Variants in SNTG2 observed in about 807,000 individuals in gnomAD.
The protein encoded by SNTG2 is syntrophin gamma 2.
SNTG2 carries 74 observed loss-of-function variants against 70.9 expected under a neutral mutation model. The observed-to-expected ratio is 1.04, with a 90% confidence interval of 0.86 to 1.27. SNTG2 has a LOEUF of 1.27. Ranked by LOEUF, SNTG2 falls within the 50% of genes most tolerant of loss-of-function variation. The pLI is 0.00. For missense variants in SNTG2, 717 were observed against 690.7 expected (o/e 1.04, Z -0.43); for synonymous variants, 278 against 273.8 (o/e 1.02, Z -0.15).
intron 12 of SNTG2, among the ~76,000 whole-genome samples, chr2:1,247,917 TC>T (rs1449405876): frequency 6.6e-6 from 1 of 152,180 alleles, no homozygotes; most frequent in Non-Finnish European, 1.5e-5. Flanking sequence ...CTGAATGCTA[TC>T]GTTCTGCAAT....
intron 1 of SNTG2, among the ~76,000 whole-genome samples, chr2:1,028,849 C>G (rs1291427865): frequency 6.6e-6 from 1 of 151,490 alleles, no homozygotes; most frequent in Non-Finnish European, 1.5e-5. Flanking sequence ...CATTTTTGTG[C>G]TATATTACAC....
chr2:1,025,319 A>G (rs1660417248), intron 1 of SNTG2, among the ~76,000 whole-genome samples: 1 of 152,126 alleles, frequency 6.6e-6, no homozygotes, highest in Non-Finnish European at 1.5e-5. Flanking sequence ...GGTGCATGGA[A>G]TCCAGGCAGG....
At chr2:1,071,261 A>G (rs959241797) in intron 1 of SNTG2, among the ~76,000 whole-genome samples, 3 of 151,438 alleles carry the variant, frequency 2.0e-5, no homozygotes, top group Admixed American at 2.0e-4. Flanking sequence ...CAAATGTCCA[A>G]CAATGATAGA....
chr2:1,361,370 G>C (rs1163401125), intron 16 of SNTG2, among the ~76,000 whole-genome samples: 1 of 150,750 alleles, frequency 6.6e-6, no homozygotes, highest in Non-Finnish European at 1.5e-5. Context: ...ACAGAATTTT[G>C]AAAACCACAG....
intron 4 of SNTG2, among the ~76,000 whole-genome samples, chr2:1,120,826 C>T (rs1050572599): frequency 6.6e-6 from 1 of 152,096 alleles, no homozygotes; most frequent in Non-Finnish European, 1.5e-5. Context: ...CAGCACCCCA[C>T]TTTCAACAAT....
chr2:957,888 T>G (rs1382754219), intron 1 of SNTG2, among the ~76,000 whole-genome samples: 1 of 152,144 alleles, frequency 6.6e-6, no homozygotes, highest in East Asian at 1.9e-4. Flanking sequence ...TTTAAGCCAC[T>G]AAGTTTGAGG....
intron 4 of SNTG2, among the ~76,000 whole-genome samples, chr2:1,132,841 C>G (rs1668117194): frequency 6.6e-6 from 1 of 152,232 alleles, no homozygotes; most frequent in Admixed American, 6.5e-5. Context: ...GGGCCCCATG[C>G]CCTGCACCTG....
intron 1 of SNTG2, among the ~76,000 whole-genome samples, chr2:964,025 C>T (rs1391078212): frequency 1.3e-5 from 2 of 152,146 alleles, no homozygotes; most frequent in Non-Finnish European, 2.9e-5. Context: ...CAGCGATCCA[C>T]GCAGTCACAG....
chr2:1,100,365 G>A (rs1452257445), intron 4 of SNTG2, among the ~76,000 whole-genome samples: 8 of 152,044 alleles, frequency 5.3e-5, no homozygotes, highest in Non-Finnish European at 8.8e-5. Flanking sequence ...CGGGGGTCTC[G>A]AACTCCTGAC....
At chr2:1,077,971 G>A (rs1476443302) in intron 1 of SNTG2, among the ~76,000 whole-genome samples, 1 of 152,118 alleles carries the variant, frequency 6.6e-6, no homozygotes, top group Admixed American at 6.5e-5. Context: ...GGCTGCTGTG[G>A]CATCGTGGTG....
chr2:1,232,374 A>C (rs147115297), intron 9 of SNTG2, among the ~76,000 whole-genome samples: 4 of 151,830 alleles, frequency 2.6e-5, no homozygotes, highest in African/African-American at 9.7e-5. Context: ...ATCTCGGCTC[A>C]CTGCAACCTC....
At chr2:982,044 G>A (rs1558292430) in intron 1 of SNTG2, among the ~76,000 whole-genome samples, 1 of 152,114 alleles carries the variant, frequency 6.6e-6, no homozygotes, top group Non-Finnish European at 1.5e-5. Flanking sequence ...AAGCACTTGT[G>A]CACACACATG....
chr2:1,129,557 G>A (rs1667897480), intron 4 of SNTG2, among the ~76,000 whole-genome samples: 1 of 152,270 alleles, frequency 6.6e-6, no homozygotes, highest in South Asian at 2.1e-4. Context: ...CAAATAAGAA[G>A]GTCAAGTTTG....
intron 1 of SNTG2, among the ~76,000 whole-genome samples, chr2:993,463 A>G (rs945377533): frequency 1.3e-5 from 2 of 152,156 alleles, no homozygotes; most frequent in Admixed American, 6.5e-5. Context: ...ATGATGCTGT[A>G]AATATTTATG....
rs568685739 is a variant in SNTG2, at chr2:1,086,005, AG to A, written c.210+2352del. Among the ~76,000 whole-genome samples, 41 of 152,334 alleles carry A rather than the reference AG, an allele frequency of 2.7e-4. 2 individuals carry two copies. In the South Asian group the frequency reaches 8.5e-3, roughly 32 times the overall value. ...ATTTCACATCTTCATTTTACTATTT[AG>A]GAAATTAAGATTCAGGAAGAAGAAG... On this transcript the variant is annotated intron_variant, in intron 2 of 16. Coordinates refer to ENST00000308624, the MANE Select transcript of SNTG2 (RefSeq NM_018968.4).
At chr2:1,310,997 T>G (rs1366638795) in intron 15 of SNTG2, among the ~76,000 whole-genome samples, 1 of 152,220 alleles carries the variant, frequency 6.6e-6, no homozygotes, top group Non-Finnish European at 1.5e-5. Flanking sequence ...CTCCTTTTGC[T>G]TGACAGCGTG....
chr2:1,351,613 A>G (rs1660585135), intron 16 of SNTG2, among the ~76,000 whole-genome samples: 2 of 149,240 alleles, frequency 1.3e-5, no homozygotes. Context: ...ATGTGAACGG[A>G]GTCCTCTGTT....
At chr2:974,533 C>T (rs1660849401) in intron 1 of SNTG2, among the ~76,000 whole-genome samples, 1 of 152,186 alleles carries the variant, frequency 6.6e-6, no homozygotes, top group Admixed American at 6.5e-5. Context: ...CCTTGGGTGT[C>T]CTCCCTGCCT....
chr2:1,309,786 G>T (rs13430602), intron 15 of SNTG2, among the ~76,000 whole-genome samples: 1 of 152,208 alleles, frequency 6.6e-6, no homozygotes, highest in Non-Finnish European at 1.5e-5. Flanking sequence ...TAAGAAGAAG[G>T]GATTTCACAT....
Sources: allele counts gnomAD v4.1 joint callset (sites outside exome capture counted in the v4.1 genomes callset), GRCh38; gene constraint gnomAD v4.1.1; transcripts MANE v1.5; gene names NCBI Gene and HGNC (gene_info 2026-07-23, HGNC 2026-07-21).